GLIS3: variants seen among roughly 807,000 people sequenced by gnomAD.
The protein encoded by GLIS3 is GLIS family zinc finger 3, also known as zinc finger protein GLIS3.
GLIS3 carries 53 observed loss-of-function variants against 78.6 expected under a neutral mutation model. The observed-to-expected ratio is 0.67, with a 90% confidence interval of 0.54 to 0.85. The LOEUF (loss-of-function observed/expected upper bound fraction) is 0.85, where lower values mean the gene tolerates loss of function less well. Among genes scored for constraint, GLIS3 ranks in the 40% least tolerant of loss-of-function variants. GLIS3 has a pLI of 0.00. For synonymous variants in GLIS3, 684 were observed against 509.9 expected, an observed-to-expected ratio of 1.34 and a Z score of -4.60; for missense variants, 1,703 against 1,231.1, an observed-to-expected ratio of 1.38 and a Z score of -5.74.
At chr9:4,103,579 G>C (rs767318141) in intron 4 of GLIS3, among the ~76,000 whole-genome samples, 10 of 152,178 alleles carry the variant, frequency 6.6e-5, no homozygotes, top group Non-Finnish European at 1.5e-4. Context: ...AAGTCTTCCA[G>C]TCTGTTCCTG....
intron 2 of GLIS3, among the ~76,000 whole-genome samples, chr9:4,151,297 T>C (rs1371397324): frequency 6.6e-6 from 1 of 152,204 alleles, no homozygotes; most frequent in Non-Finnish European, 1.5e-5. Context: ...ATCAGATTGT[T>C]ACATTTTTAA....
At chr9:4,059,465 T>C (rs976944613) in intron 4 of GLIS3, among the ~76,000 whole-genome samples, 4 of 152,204 alleles carry the variant, frequency 2.6e-5, no homozygotes, top group South Asian at 2.1e-4. Context: ...GTTCTCAGCC[T>C]GTAACAGGCC....
intron 4 of GLIS3, among the ~76,000 whole-genome samples, chr9:4,086,751 A>G (rs16920608): frequency 6.6e-6 from 1 of 152,174 alleles, no homozygotes; most frequent in Non-Finnish European, 1.5e-5. Context: ...TGTGCACAGG[A>G]GGGACTTTCA....
intron 6 of GLIS3, among the ~76,000 whole-genome samples, chr9:3,915,819 A>G (rs10974128): frequency 0.11 from 16,138 of 152,130 alleles, 978 homozygotes; most frequent in East Asian, 0.17. Context: ...TTTTTAGTTC[A>G]CTAGAAATAA....
At chr9:4,423,948 C>T in the GLIS3 span, among the ~76,000 whole-genome samples, 228 of 152,296 alleles carry the variant, frequency 1.5e-3, no homozygotes, top group Non-Finnish European at 2.5e-3. Context: ...CCCTAATCCA[C>T]CACAAAATAG....
At chr9:4,179,538 A>C (rs1282852992) in intron 2 of GLIS3, among the ~76,000 whole-genome samples, 3 of 152,146 alleles carry the variant, frequency 2.0e-5, no homozygotes, top group Admixed American at 6.5e-5. Flanking sequence ...CTATTTATTA[A>C]GCCTCTCTAG....
At chr9:4,373,965 C>T in the GLIS3 span, among the ~76,000 whole-genome samples, 2 of 152,036 alleles carry the variant, frequency 1.3e-5, no homozygotes, top group South Asian at 4.2e-4. Flanking sequence ...CGCGCCTGGC[C>T]GAAAATGTAA....
the GLIS3 span, among the ~76,000 whole-genome samples, chr9:4,364,491 A>G: frequency 6.6e-6 from 1 of 152,198 alleles, no homozygotes; most frequent in Non-Finnish European, 1.5e-5. Flanking sequence ...AATTAAAATT[A>G]TGGTGTAAAT....
Position 4,073,827 on chromosome 9 carries a change from C to T in GLIS3, c.1710+43941G>A, listed in dbSNP as rs979657696. Among the ~76,000 whole-genome samples the T allele has an allele frequency of 3.9e-5, 6 of 152,074 alleles. No individual in the cohort carries two copies. In the South Asian group the frequency reaches 1.2e-3, roughly 32 times the overall value. On this transcript the variant is annotated intron_variant, in intron 4 of 10. Coordinates refer to ENST00000381971, the MANE Select transcript of GLIS3 (RefSeq NM_001042413.2). ...AATAAATTATTTAAGTAAAATTACG[C>T]ATGAAAGTGTATATAGAGCAGCACC...
chr9:4,347,349 C>T (rs1402515956), intron 1 of GLIS3, among the ~76,000 whole-genome samples: 1 of 152,148 alleles, frequency 6.6e-6, no homozygotes, highest in African/African-American at 2.4e-5. Flanking sequence ...AAACACCTCT[C>T]ATTAGGCTCC....
chr9:4,118,221 GC>G lies in GLIS3; in HGVS notation c.1256del (p.Gly419AlafsTer23). 6.3e-7 allele frequency: 1 copy of G among 1,584,652 alleles called. No homozygotes were observed. The highest frequency in any genetic ancestry group is 8.6e-7 in the Non-Finnish European group (1 of 1,165,816). On this transcript the variant is annotated frameshift_variant, in exon 4 of 11. Transcript: ENST00000381971. LOFTEE classifies it high-confidence loss of function. The surrounding 1 kb of genome is among the most constrained non-coding windows in gnomAD (Gnocchi z 4.7). Reference sequence around the variant, plus strand: ...ACAGGCCGGCCGACTGGCTGTCGGGGCCCGGCAGGCCATGCTGCACCACCAT... The same window carrying G: ...ACAGGCCGGCCGACTGGCTGTCGGGGCCGGCAGGCCATGCTGCACCACCAT... ...NHMVVQHGLP[G>X]PDSQSAGLFK... is the part of the protein sequence containing the mutation.
At chr9:4,125,231 C>T (rs1832482721) in intron 3 of GLIS3, among the ~76,000 whole-genome samples, 2 of 152,296 alleles carry the variant, frequency 1.3e-5, no homozygotes, top group South Asian at 4.1e-4. Flanking sequence ...GGCCCCTAAA[C>T]TTCAACTATT....
At chr9:4,440,567 G>A in the GLIS3 span, among the ~76,000 whole-genome samples, 1 of 152,058 alleles carries the variant, frequency 6.6e-6, no homozygotes, top group Non-Finnish European at 1.5e-5. Flanking sequence ...TTTTAGCTTT[G>A]TTGTATATTT....
At chr9:4,201,292 T>C (rs1001018325) in intron 2 of GLIS3, among the ~76,000 whole-genome samples, 1 of 152,122 alleles carries the variant, frequency 6.6e-6, no homozygotes, top group Admixed American at 6.5e-5. Context: ...ATGACCACTT[T>C]CACCAGTCTT....
chr9:3,968,105 A>C (rs895245246), intron 4 of GLIS3, among the ~76,000 whole-genome samples: 8 of 152,180 alleles, frequency 5.3e-5, no homozygotes, highest in Non-Finnish European at 1.0e-4. Flanking sequence ...GATTCTTGAG[A>C]TCTCTGGGTT....
At chr9:4,466,905 T>C in the GLIS3 span, among the ~76,000 whole-genome samples, 3 of 152,146 alleles carry the variant, frequency 2.0e-5, no homozygotes, top group Non-Finnish European at 4.4e-5. Flanking sequence ...TGACAGATGG[T>C]ACCTGGAAAA....
At chr9:3,892,018 T>G (rs1474866984) in intron 7 of GLIS3, among the ~76,000 whole-genome samples, 2 of 152,144 alleles carry the variant, frequency 1.3e-5, no homozygotes, top group Admixed American at 6.5e-5. Context: ...GGACTTTCTC[T>G]ACGTCCCCAA....
chr9:4,108,852 C>G (rs913850349), intron 4 of GLIS3, among the ~76,000 whole-genome samples: 2 of 152,138 alleles, frequency 1.3e-5, no homozygotes, highest in Non-Finnish European at 2.9e-5. Context: ...AGTCCACTGA[C>G]CTGGGCCTTC....
intron 2 of GLIS3, among the ~76,000 whole-genome samples, chr9:4,218,431 A>G (rs1256745698): frequency 6.6e-6 from 1 of 152,086 alleles, no homozygotes; most frequent in African/African-American, 2.4e-5. Context: ...GGCACCCGCC[A>G]CCACACTCGA....
Sources: gnomAD v4.1 joint callset for allele counts (sites outside exome capture counted in the v4.1 genomes callset) on GRCh38, gnomAD v4.1.1 for gene constraint, Gnocchi (gnomAD v3.1) non-coding constraint, MANE v1.5 for transcripts, NCBI Gene and HGNC (gene_info 2026-07-23, HGNC 2026-07-21) for gene names.